The following HCN1 variants were observed in gnomAD, a reference collection of about 807,000 sequenced individuals.
HCN1 encodes hyperpolarization activated cyclic nucleotide gated potassium channel 1, also known as potassium/sodium hyperpolarization-activated cyclic nucleotide-gated channel 1.
HCN1 carries 13 observed loss-of-function variants against 78.9 expected under a neutral mutation model. The observed-to-expected ratio is 0.16, with a 90% confidence interval of 0.11 to 0.26. The LOEUF is 0.26. Among genes scored for constraint, HCN1 ranks in the 10% least tolerant of loss-of-function variants. The probability of loss-of-function intolerance (pLI) is 1.00; values close to 1 mark genes in which losing one functional copy is unlikely to be tolerated. For synonymous variants in HCN1, 552 were observed against 455.5 expected, an observed-to-expected ratio of 1.21 and a Z score of -2.70; for missense variants, 810 against 1,154.3, an observed-to-expected ratio of 0.70 and a Z score of 4.32.
intron 6 of HCN1, among the ~76,000 whole-genome samples, chr5:45,268,637 C>T (rs1354072430): frequency 2.0e-5 from 3 of 152,140 alleles, no homozygotes; most frequent in African/African-American, 7.2e-5. Context: ...GACACGTGAA[C>T]CAGTCTGGGA....
At chr5:45,378,808 T>C (rs536814401) in intron 4 of HCN1, among the ~76,000 whole-genome samples, 5 of 152,208 alleles carry the variant, frequency 3.3e-5, no homozygotes. Context: ...GTGTGTGATG[T>C]TCCCCTTCCT....
intron 5 of HCN1, among the ~76,000 whole-genome samples, chr5:45,309,999 C>G (rs1399505678): frequency 6.6e-6 from 1 of 151,878 alleles, no homozygotes; most frequent in Non-Finnish European, 1.5e-5. Flanking sequence ...TGGTCTTGGG[C>G]TTTTTTTGGT....
intron 2 of HCN1, among the ~76,000 whole-genome samples, chr5:45,571,886 C>T (rs1215762154): frequency 6.6e-6 from 1 of 152,132 alleles, no homozygotes; most frequent in African/African-American, 2.4e-5. Context: ...TGCACTCCAG[C>T]CTGGGCAACA....
chr5:45,348,987 A>G (rs1281399892), intron 5 of HCN1, among the ~76,000 whole-genome samples: 7 of 152,178 alleles, frequency 4.6e-5, no homozygotes, highest in Admixed American at 2.0e-4. Context: ...TAACAATGAT[A>G]CCCAGGAATT....
At chr5:45,347,253 A>G (rs1746743125) in intron 5 of HCN1, among the ~76,000 whole-genome samples, 1 of 152,226 alleles carries the variant, frequency 6.6e-6, no homozygotes, top group Non-Finnish European at 1.5e-5. Context: ...ACCCAGGCAA[A>G]CAAGGTCTGG....
intron 7 of HCN1, among the ~76,000 whole-genome samples, chr5:45,264,621 T>C (rs1744816856): frequency 6.6e-6 from 1 of 152,210 alleles, no homozygotes; most frequent in Non-Finnish European, 1.5e-5. Flanking sequence ...CCTACATTAG[T>C]AATAAATATA....
intron 2 of HCN1, among the ~76,000 whole-genome samples, chr5:45,610,447 T>C (rs1744810132): frequency 6.6e-6 from 1 of 151,486 alleles, no homozygotes; most frequent in Admixed American, 6.6e-5. Flanking sequence ...CAGTTTTATA[T>C]ATTTCAAGAA....
chr5:45,330,242 G>T (rs950226765), intron 5 of HCN1, among the ~76,000 whole-genome samples: 7 of 151,182 alleles, frequency 4.6e-5, no homozygotes, highest in Admixed American at 2.0e-4. Context: ...GCTGCATTTG[G>T]CATACATAAA....
intron 3 of HCN1, among the ~76,000 whole-genome samples, chr5:45,435,671 T>C (rs1025159761): frequency 1.3e-5 from 2 of 152,062 alleles, no homozygotes; most frequent in Non-Finnish European, 2.9e-5. Flanking sequence ...TTAATATCAA[T>C]AAAGAGAAGA....
At chr5:45,694,914 G>C (rs1167500216) in intron 1 of HCN1, among the ~76,000 whole-genome samples, 1 of 152,170 alleles carries the variant, frequency 6.6e-6, no homozygotes, top group East Asian at 1.9e-4. Context: ...TTTTGAAATA[G>C]ACTTGCAGTC....
At chr5:45,673,203 G>A (rs1415864740) in intron 1 of HCN1, among the ~76,000 whole-genome samples, 1 of 151,430 alleles carries the variant, frequency 6.6e-6, no homozygotes, top group Non-Finnish European at 1.5e-5. Flanking sequence ...CTCATGATTA[G>A]ACTGAGGTTA....
At chr5:45,331,693 G>A (rs906487109) in intron 5 of HCN1, among the ~76,000 whole-genome samples, 6 of 151,098 alleles carry the variant, frequency 4.0e-5, no homozygotes, top group South Asian at 2.1e-4. Context: ...GCTCATAATC[G>A]CACTAAGTAA....
At chr5:45,411,863 C>T (rs1740030703) in intron 3 of HCN1, among the ~76,000 whole-genome samples, 3 of 152,050 alleles carry the variant, frequency 2.0e-5, no homozygotes, top group Non-Finnish European at 4.4e-5. Flanking sequence ...GTATGAAGCA[C>T]AATTACTGGC....
At chr5:45,665,216 C>T (rs1746012171) in intron 1 of HCN1, among the ~76,000 whole-genome samples, 1 of 149,430 alleles carries the variant, frequency 6.7e-6, no homozygotes, top group Non-Finnish European at 1.5e-5. Context: ...CCAAACACCA[C>T]ATGTTCTCAC....
At chr5:45,573,094 G>A (rs1284230351) in intron 2 of HCN1, among the ~76,000 whole-genome samples, 1 of 152,098 alleles carries the variant, frequency 6.6e-6, no homozygotes, top group Non-Finnish European at 1.5e-5. Context: ...AAACTTACTT[G>A]TTTTAAGAAA....
intron 1 of HCN1, among the ~76,000 whole-genome samples, chr5:45,647,971 T>C (rs1006941596): frequency 1.1e-4 from 17 of 152,210 alleles, no homozygotes; most frequent in Admixed American, 3.3e-4. Context: ...CTGTTTTATT[T>C]AAATACAAGC....
chr5:45,467,137 G>T (rs1249962266), intron 2 of HCN1, among the ~76,000 whole-genome samples: 1 of 151,802 alleles, frequency 6.6e-6, no homozygotes, highest in Non-Finnish European at 1.5e-5. Flanking sequence ...AATACCCTCA[G>T]CCACCTCACG....
Position 45,315,027 on chromosome 5 carries a change from T to C in HCN1, c.1378-11188A>G, listed in dbSNP as rs150855446. Among the ~76,000 whole-genome samples the C allele has an allele frequency of 6.6e-4, 100 of 152,256 alleles. 1 individual carries two copies. The East Asian group carries it at 0.012, about 18-fold the overall frequency. On this transcript the variant is annotated intron_variant, in intron 5 of 7. Transcript: ENST00000303230. Reference sequence around the variant, plus strand: ...CAACGAGACAGAAAGTTAACCATGATATCCAGGAATTGAACTCAGCTCTGC... The same window carrying C: ...CAACGAGACAGAAAGTTAACCATGACATCCAGGAATTGAACTCAGCTCTGC...
At chr5:45,322,427 C>T (rs967423136) in intron 5 of HCN1, among the ~76,000 whole-genome samples, 1 of 151,742 alleles carries the variant, frequency 6.6e-6, no homozygotes, top group Non-Finnish European at 1.5e-5. Flanking sequence ...ATTATAACAA[C>T]AACCCAATGA....
Sources: gnomAD v4.1 joint callset for allele counts (sites outside exome capture counted in the v4.1 genomes callset) on GRCh38, gnomAD v4.1.1 for gene constraint, MANE v1.5 for transcripts, NCBI Gene and HGNC (gene_info 2026-07-23, HGNC 2026-07-21) for gene names.